The following FARSB variants were observed in gnomAD, a reference collection of about 807,000 sequenced individuals.
FARSB encodes the protein phenylalanine--tRNA ligase beta subunit.
Under a neutral mutation model 69.6 loss-of-function variants are expected in FARSB, and 40 were observed. The ratio of observed to expected loss-of-function variants is 0.57; its 90% CI spans 0.45 to 0.75. FARSB has a LOEUF of 0.75. FARSB is among the 30% of genes least tolerant of loss of function. The pLI, the probability that FARSB is intolerant of heterozygous loss-of-function variation, is 0.00. For synonymous variants in FARSB, 235 were observed against 247.2 expected (o/e 0.95, Z 0.46); for missense variants, 632 against 722.9 (o/e 0.87, Z 1.44).
At chr2:222,579,911 G>T (rs1249969549) in intron 16 of FARSB, among the ~76,000 whole-genome samples, 2 of 152,062 alleles carry the variant, frequency 1.3e-5, no homozygotes, top group Non-Finnish European at 2.9e-5. Context: ...ACAACTCTAG[G>T]GTGTTGATGG....
At chr2:222,634,571 G>A in intron 5 of FARSB, 30 bp from the exon 6 acceptor site, 1 of 1,563,458 alleles carries the variant, frequency 6.4e-7, no homozygotes, top group Non-Finnish European at 8.7e-7. Context: ...GGGAGAAGGA[G>A]GGAGGAAAGG....
intron 16 of FARSB, among the ~76,000 whole-genome samples, chr2:222,585,613 C>T (rs1690092867): frequency 6.6e-6 from 1 of 152,104 alleles, no homozygotes; most frequent in Non-Finnish European, 1.5e-5. Flanking sequence ...CGCAAAGAAG[C>T]TAAAAACCTT....
chr2:222,592,913 TTG>T (rs1690313765), intron 16 of FARSB, among the ~76,000 whole-genome samples: 1 of 151,842 alleles, frequency 6.6e-6, no homozygotes, highest in Admixed American at 6.6e-5. Flanking sequence ...CTGAGTAGAG[TTG>T]TCCCTCTCTG....
Position 222,633,682 on chromosome 2 carries a change from C to CAAAA in FARSB, c.607-379_607-376dup, listed in dbSNP as rs10596934. ...GGGCAACAAGAGCGAAACTCCGTCTCAAAAAAAAAAAAAAAAAAAAAGGAG... is the reference window on the plus strand; with the variant it reads ...GGGCAACAAGAGCGAAACTCCGTCTCAAAAAAAAAAAAAAAAAAAAAAAAAGGAG... On this transcript the variant is annotated intron_variant, in intron 6 of 16. Coordinates refer to ENST00000281828, the MANE Select transcript of FARSB (RefSeq NM_005687.5). 4.5e-5 allele frequency among the ~76,000 whole-genome samples: 4 copies of CAAAA among 88,202 alleles called. 1 individual carries two copies. Among genetic ancestry groups the CAAAA allele is most frequent in the Non-Finnish European group, 4.5e-5 (2 of 44,940 alleles). 57.9% of individuals were successfully genotyped at this position (88,202 alleles called of 152,430 possible). A position where few individuals can be genotyped will look rare whatever the true frequency, so the allele number is the denominator to read the frequency against.
intron 16 of FARSB, among the ~76,000 whole-genome samples, chr2:222,586,480 A>G (rs934655001): frequency 2.0e-5 from 3 of 152,246 alleles, no homozygotes; most frequent in African/African-American, 7.2e-5. Flanking sequence ...AGCTGACATC[A>G]TAATGACAGG....
At chr2:222,642,377 G>A (rs1691745396) in intron 3 of FARSB, among the ~76,000 whole-genome samples, 1 of 152,190 alleles carries the variant, frequency 6.6e-6, no homozygotes, top group Non-Finnish European at 1.5e-5. Context: ...ATTGAAACTA[G>A]AGAGGCCAAC....
chr2:222,613,638 A>T (rs1690914349), intron 15 of FARSB, among the ~76,000 whole-genome samples, 173 bp downstream of exon 15: 1 of 152,222 alleles, frequency 6.6e-6, no homozygotes, highest in African/African-American at 2.4e-5. Context: ...TGGGAAGTTG[A>T]TAGTGGTATA....
At chr2:222,581,142 TA>T (rs934230765) in intron 16 of FARSB, among the ~76,000 whole-genome samples, 63 of 152,160 alleles carry the variant, frequency 4.1e-4, no homozygotes, top group African/African-American at 1.4e-3. Context: ...AACCCCAGTG[TA>T]AAACAAAATA....
chr2:222,599,464 CTTGA>C (rs1332761360), intron 16 of FARSB, among the ~76,000 whole-genome samples: 7 of 152,210 alleles, frequency 4.6e-5, no homozygotes, highest in Non-Finnish European at 1.0e-4. Flanking sequence ...AACTTTATGA[CTTGA>C]TTAACATGTG....
intron 2 of FARSB, among the ~76,000 whole-genome samples, chr2:222,647,936 C>T (rs536731753): frequency 1.9e-4 from 29 of 152,258 alleles, no homozygotes; most frequent in Non-Finnish European, 2.6e-4. Context: ...GTTGCTTGGG[C>T]CACATCCCCA....
At chr2:222,615,241 T>C (rs762197599) in intron 14 of FARSB, among the ~76,000 whole-genome samples, 1 of 152,210 alleles carries the variant, frequency 6.6e-6, no homozygotes, top group Non-Finnish European at 1.5e-5. Context: ...GGGCTCTGCA[T>C]TCAGACCACA....
At chr2:222,586,771 TAATG>T (rs1164363603) in intron 16 of FARSB, among the ~76,000 whole-genome samples, 2 of 152,158 alleles carry the variant, frequency 1.3e-5, no homozygotes, top group African/African-American at 4.8e-5. Flanking sequence ...GGCCATTATA[TAATG>T]GTAAAGGGAT....
intron 16 of FARSB, among the ~76,000 whole-genome samples, chr2:222,597,959 TA>T (rs1690463949): frequency 6.6e-6 from 1 of 152,204 alleles, no homozygotes; most frequent in Admixed American, 6.5e-5. Context: ...AGACTCCAAA[TA>T]TAGTTTCAAG....
intron 15 of FARSB, among the ~76,000 whole-genome samples, chr2:222,604,003 T>A (rs1574926176): frequency 6.6e-6 from 1 of 151,830 alleles, no homozygotes; most frequent in South Asian, 2.1e-4. Context: ...GATCACAAGG[T>A]CAGGAGATCG....
intron 15 of FARSB, among the ~76,000 whole-genome samples, chr2:222,610,269 A>G (rs986825590): frequency 2.0e-5 from 3 of 152,170 alleles, no homozygotes; most frequent in Non-Finnish European, 4.4e-5. Flanking sequence ...TTTCACATCA[A>G]CTGGAAAACT....
intron 16 of FARSB, among the ~76,000 whole-genome samples, chr2:222,585,230 G>T (rs1158666490): frequency 2.0e-5 from 3 of 152,140 alleles, no homozygotes; most frequent in African/African-American, 2.4e-5. Flanking sequence ...AGGCAAACAG[G>T]GTCTGGAGTG....
At chr2:222,614,875 GAATT>G (rs1690956271) in intron 14 of FARSB, among the ~76,000 whole-genome samples, 1 of 151,966 alleles carries the variant, frequency 6.6e-6, no homozygotes, top group African/African-American at 2.4e-5. Flanking sequence ...AATTAAATAT[GAATT>G]AATCAGAATT....
intron 16 of FARSB, among the ~76,000 whole-genome samples, chr2:222,597,175 C>G (rs1409132560): frequency 6.6e-6 from 1 of 152,264 alleles, no homozygotes; most frequent in East Asian, 1.9e-4. Context: ...GTTAGATATA[C>G]TGAAATACAT....
chr2:222,631,562 T>C (rs1186187823), intron 8 of FARSB, 42 bp downstream of exon 8: 1 of 1,055,422 alleles, frequency 9.5e-7, no homozygotes, highest in Admixed American at 1.7e-5. Flanking sequence ...ATAAAATCTA[T>C]CCCAGCTGAT....
Sources: allele counts gnomAD v4.1 joint callset (sites outside exome capture counted in the v4.1 genomes callset), GRCh38; gene constraint gnomAD v4.1.1; transcripts MANE v1.5; gene names NCBI Gene and HGNC (gene_info 2026-07-23, HGNC 2026-07-21).